Variants in GPHN observed in about 807,000 individuals in gnomAD.
The protein encoded by GPHN is gephyrin.
In GPHN, 17 loss-of-function variants were observed where a neutral mutation model predicts 95.5. The ratio of observed to expected loss-of-function variants is 0.18; its 90% CI spans 0.12 to 0.27. The LOEUF (loss-of-function observed/expected upper bound fraction) is 0.27, where lower values mean the gene tolerates loss of function less well. Ranked by LOEUF, GPHN falls within the 10% of genes least tolerant of loss-of-function variation. The probability of loss-of-function intolerance (pLI) is 1.00; values close to 1 mark genes in which losing one functional copy is unlikely to be tolerated. For missense variants in GPHN, 660 were observed against 978.1 expected, an observed-to-expected ratio of 0.67 and a Z score of 4.34; for synonymous variants, 320 against 322.5, an observed-to-expected ratio of 0.99 and a Z score of 0.08.
At chr14:66,633,238 T>A (rs2063916971) in intron 1 of GPHN, among the ~76,000 whole-genome samples, 2 of 147,802 alleles carry the variant, frequency 1.4e-5, no homozygotes. Context: ...TTGAATTCAT[T>A]CTGTTATTCT....
chr14:67,646,962 G>A, the GPHN span: 3 of 1,612,318 alleles, frequency 1.9e-6, no homozygotes, highest in Admixed American at 5.0e-5. Flanking sequence ...TTTTCCATGA[G>A]AGATATTGAT....
chr14:66,957,242 C>CTGAAGT (rs1389864108), intron 8 of GPHN, among the ~76,000 whole-genome samples: 6 of 113,286 alleles, frequency 5.3e-5, no homozygotes, highest in African/African-American at 1.8e-4. Context: ...GTCTCCTAGG[C>CTGAAGT]TGAAGTGCAG....
intron 21 of GPHN, among the ~76,000 whole-genome samples, chr14:67,171,715 G>A (rs1282174751): frequency 2.0e-5 from 3 of 152,176 alleles, no homozygotes; most frequent in Non-Finnish European, 4.4e-5. Context: ...AAAAAAAACT[G>A]AAGAAGAGCA....
chr14:66,567,499 A>G (rs973380614), intron 1 of GPHN, among the ~76,000 whole-genome samples: 4 of 152,250 alleles, frequency 2.6e-5, no homozygotes, highest in Admixed American at 2.6e-4. Context: ...TTGTAAAGCC[A>G]TAGAGTACAT....
At chr14:66,715,501 A>G (rs2153424555) in intron 2 of GPHN, among the ~76,000 whole-genome samples, 1 of 151,436 alleles carries the variant, frequency 6.6e-6, no homozygotes, top group Admixed American at 6.6e-5. Context: ...GATCGTGGTT[A>G]TTTCCTTTCT....
At chr14:67,161,361 A>G (rs1414115871) in intron 19 of GPHN, among the ~76,000 whole-genome samples, 1 of 151,836 alleles carries the variant, frequency 6.6e-6, no homozygotes, top group Non-Finnish European at 1.5e-5. Context: ...TTGTTATGCT[A>G]TTGGGTATAA....
chr14:67,234,699 A>T, the GPHN span, among the ~76,000 whole-genome samples: 2,996 of 152,078 alleles, frequency 0.02, 41 homozygotes, highest in Middle Eastern at 0.034. Flanking sequence ...ATAGGCTTGC[A>T]CTACCAAGCC....
chr14:67,430,456 T>A, the GPHN span, among the ~76,000 whole-genome samples: 4 of 152,154 alleles, frequency 2.6e-5, no homozygotes, highest in African/African-American at 9.7e-5. Context: ...GAGGGCTGTA[T>A]GGTAAAGCAG....
the GPHN span, among the ~76,000 whole-genome samples, chr14:67,655,662 T>C: frequency 6.6e-6 from 1 of 152,190 alleles, no homozygotes; most frequent in Non-Finnish European, 1.5e-5. Flanking sequence ...TAACAGGATA[T>C]AAGCAGATGA....
chr14:66,601,910 G>A (rs1441234103), intron 1 of GPHN, among the ~76,000 whole-genome samples: 2 of 151,854 alleles, frequency 1.3e-5, no homozygotes, highest in Non-Finnish European at 2.9e-5. Context: ...AAAATTAAGA[G>A]GGAATATTTT....
At chr14:67,266,270 G>A in the GPHN span, among the ~76,000 whole-genome samples, 1 of 152,076 alleles carries the variant, frequency 6.6e-6, no homozygotes, top group East Asian at 1.9e-4. Context: ...TTTTGTTTAG[G>A]TTGTGCCTTT....
the GPHN span, among the ~76,000 whole-genome samples, chr14:67,286,533 A>G: frequency 6.6e-6 from 1 of 152,170 alleles, no homozygotes; most frequent in African/African-American, 2.4e-5. Context: ...CCATCAAAGA[A>G]TGGAACATTT....
At chr14:66,572,798 A>G (rs1037866163) in intron 1 of GPHN, among the ~76,000 whole-genome samples, 7 of 152,278 alleles carry the variant, frequency 4.6e-5, no homozygotes, top group African/African-American at 1.7e-4. Flanking sequence ...ACTACGTTGA[A>G]TAGAAGTCGT....
At chr14:67,650,845 G>A in the GPHN span, 2 of 1,614,098 alleles carry the variant, frequency 1.2e-6, no homozygotes, top group Non-Finnish European at 1.7e-6. Context: ...GAGAAGGAGG[G>A]CATATTGTCT....
intron 9 of GPHN, among the ~76,000 whole-genome samples, chr14:66,993,227 A>T (rs575631363): frequency 4.7e-4 from 72 of 151,964 alleles, no homozygotes; most frequent in African/African-American, 1.6e-3. Context: ...TTCTCTAGCT[A>T]TTCTCTCTCT....
At chr14:67,453,001 G>C in the GPHN span, among the ~76,000 whole-genome samples, 1 of 152,148 alleles carries the variant, frequency 6.6e-6, no homozygotes, top group South Asian at 2.1e-4. Flanking sequence ...TAGGGCATGG[G>C]GGTCTCCCTT....
chr14:66,899,136 T>G (rs76521175), intron 5 of GPHN, among the ~76,000 whole-genome samples: 3 of 145,804 alleles, frequency 2.1e-5, no homozygotes, highest in South Asian at 2.1e-4. Context: ...TTTTTTTTTT[T>G]GTTTTTTGTT....
At chr14:66,844,618 A>G (rs1453813581) in intron 4 of GPHN, among the ~76,000 whole-genome samples, 2 of 152,146 alleles carry the variant, frequency 1.3e-5, no homozygotes, top group African/African-American at 4.8e-5. Flanking sequence ...AAAAGTATGG[A>G]TGGGTTTTTA....
At chr14:67,095,966 C>CAAAAA in intron 12 of GPHN, among the ~76,000 whole-genome samples, 17 of 67,098 alleles carry the variant, frequency 2.5e-4, no homozygotes, top group Non-Finnish European at 3.2e-4. Flanking sequence ...AAGAAAAAGG[C>CAAAAA]AAAAAAAAAA....
Sources: allele counts gnomAD v4.1 joint callset (sites outside exome capture counted in the v4.1 genomes callset), GRCh38; gene constraint gnomAD v4.1.1; transcripts MANE v1.5; gene names NCBI Gene and HGNC (gene_info 2026-07-23, HGNC 2026-07-21).